The following INSL6 variants were observed in gnomAD, a reference collection of about 807,000 sequenced individuals.
The protein encoded by INSL6 is insulin like 6, also known as insulin-like peptide INSL6.
Under a neutral mutation model 9.4 loss-of-function variants are expected in INSL6, and 16 were observed. The ratio of observed to expected loss-of-function variants is 1.70; its 90% CI spans 1.15 to 2.59. INSL6 has a LOEUF of 2.59. Among genes scored for constraint, INSL6 ranks in the 30% most tolerant of loss-of-function variants. The pLI is 0.00. For missense variants in INSL6, 391 were observed against 257.3 expected (o/e 1.52, Z -3.56); for synonymous variants, 154 against 96.9 (o/e 1.59, Z -3.46).
At chr9:5,107,043 A>G in the INSL6 span, among the ~76,000 whole-genome samples, 1 of 152,180 alleles carries the variant, frequency 6.6e-6, no homozygotes, top group African/African-American at 2.4e-5. Flanking sequence ...AAATATATAT[A>G]CATCACTTTA....
the INSL6 span, among the ~76,000 whole-genome samples, chr9:5,079,225 G>A: frequency 3.9e-5 from 6 of 152,240 alleles, no homozygotes; most frequent in East Asian, 9.6e-4. Flanking sequence ...CTTTGGAATC[G>A]GAAGTGAAGA....
At chr9:5,036,722 T>G in the INSL6 span, among the ~76,000 whole-genome samples, 3 of 152,158 alleles carry the variant, frequency 2.0e-5, no homozygotes, top group Admixed American at 1.3e-4. Flanking sequence ...CAAGATGGAT[T>G]AAAGACTTAA....
the INSL6 span, among the ~76,000 whole-genome samples, chr9:5,075,964 C>G: frequency 4.6e-5 from 7 of 152,084 alleles, no homozygotes; most frequent in African/African-American, 1.4e-4. Context: ...AAAGTTCATT[C>G]TAACCCTCCT....
At chr9:5,012,933 A>G in the INSL6 span, among the ~76,000 whole-genome samples, 13 of 152,338 alleles carry the variant, frequency 8.5e-5, no homozygotes, top group South Asian at 2.1e-4. Context: ...GGACATTGCA[A>G]TAGTTCAGGA....
chr9:5,123,247 G>A (rs1172923922), downstream of INSL6: 14 of 573,258 alleles, frequency 2.4e-5, no homozygotes, highest in Admixed American at 3.7e-4. Flanking sequence ...AGCTTTTAGG[G>A]TATCCACCAC....
intron 2 of INSL6, among the ~76,000 whole-genome samples, chr9:5,149,777 A>G (rs2130893852): frequency 6.6e-6 from 1 of 152,342 alleles, no homozygotes; most frequent in East Asian, 1.9e-4. Context: ...ATGTGGCCAA[A>G]GCAATCTTAA....
At chr9:5,040,461 T>G in the INSL6 span, among the ~76,000 whole-genome samples, 1 of 152,208 alleles carries the variant, frequency 6.6e-6, no homozygotes, top group Non-Finnish European at 1.5e-5. Flanking sequence ...TTAGGCTTTA[T>G]CAAAGTTAAA....
At chr9:5,142,967 T>C (rs1405469538) in intron 2 of INSL6, among the ~76,000 whole-genome samples, 3 of 152,252 alleles carry the variant, frequency 2.0e-5, no homozygotes, top group Non-Finnish European at 4.4e-5. Context: ...ATGTGGTTTT[T>C]ATCTTTAGCT....
At chr9:5,025,265 G>A in the INSL6 span, among the ~76,000 whole-genome samples, 1 of 151,706 alleles carries the variant, frequency 6.6e-6, no homozygotes, top group African/African-American at 2.4e-5. Flanking sequence ...TATCTATATT[G>A]GTGAGATTAC....
At chr9:5,184,180 C>A (rs906383008) in intron 1 of INSL6, among the ~76,000 whole-genome samples, 2 of 152,184 alleles carry the variant, frequency 1.3e-5, no homozygotes, top group Non-Finnish European at 2.9e-5. Context: ...TGAGTGCCTA[C>A]AATGTGCATT....
rs544649846 is a variant in INSL6 at position 5,182,823 on chromosome 9, C to T, written c.289+2491G>A. ...TCGTAATTTAGAAATATGATGTCAA[C>T]TTCATGGTGCCACATTACGGGGTAG... On this transcript the variant is annotated intron_variant, in intron 1 of 1. Transcript: ENST00000381641. 6.6e-5 allele frequency among the ~76,000 whole-genome samples: 10 copies of T among 152,226 alleles called. No homozygotes were observed. In the East Asian group the frequency reaches 1.5e-3, roughly 23 times the overall value.
chr9:5,069,249 G>A, the INSL6 span: 16 of 1,379,918 alleles, frequency 1.2e-5, no homozygotes, highest in South Asian at 1.9e-4. Flanking sequence ...ACTGGTCATG[G>A]ATTGTTTATG....
At chr9:5,069,795 AT>A in the INSL6 span, 1 of 453,496 alleles carries the variant, frequency 2.2e-6, no homozygotes, top group African/African-American at 2.0e-5. Flanking sequence ...ATTTTCTATT[AT>A]AAAAAAAGAA....
chr9:5,010,786 G>A, the INSL6 span, among the ~76,000 whole-genome samples: 1 of 152,258 alleles, frequency 6.6e-6, no homozygotes, highest in African/African-American at 2.4e-5. Flanking sequence ...GTGTGAGTTT[G>A]TTGGTGATGT....
chr9:5,072,701 CAT>C, the INSL6 span: 122 of 1,093,196 alleles, frequency 1.1e-4, no homozygotes, highest in Admixed American at 2.9e-4. Flanking sequence ...ACAACGTACT[CAT>C]GTGTGCAGCT....
At chr9:5,060,474 T>C in the INSL6 span, among the ~76,000 whole-genome samples, 2 of 152,336 alleles carry the variant, frequency 1.3e-5, no homozygotes, top group African/African-American at 4.8e-5. Flanking sequence ...TGCTGTCTTT[T>C]CAACAACATT....
At chr9:5,178,289 A>C (rs1825362767) in intron 1 of INSL6, among the ~76,000 whole-genome samples, 1 of 151,858 alleles carries the variant, frequency 6.6e-6, no homozygotes, top group Non-Finnish European at 1.5e-5. Flanking sequence ...TCTCCCTAGG[A>C]CTGAGCTCCT....
At chr9:5,094,372 A>G in the INSL6 span, 1 of 152,196 alleles carries the variant, frequency 6.6e-6, no homozygotes, top group East Asian at 1.9e-4. Flanking sequence ...TAATTTTAAT[A>G]TAGGCCTCTT....
chr9:5,064,525 C>CAAAAAAAA, the INSL6 span, among the ~76,000 whole-genome samples: 4 of 84,688 alleles, frequency 4.7e-5, no homozygotes, highest in Non-Finnish European at 5.1e-5. Flanking sequence ...GCAAGACTCT[C>CAAAAAAAA]AAAAAAAAAA....
Sources: allele counts gnomAD v4.1 joint callset (sites outside exome capture counted in the v4.1 genomes callset), GRCh38; gene constraint gnomAD v4.1.1; transcripts MANE v1.5; gene names NCBI Gene and HGNC (gene_info 2026-07-23, HGNC 2026-07-21).